HIVEP3: variants seen among roughly 807,000 people sequenced by gnomAD.
HIVEP3 encodes HIVEP zinc finger 3.
HIVEP3 carries 49 observed loss-of-function variants against 152.8 expected under a neutral mutation model. That is an observed-to-expected ratio of 0.32 (90% CI 0.26 to 0.41). The LOEUF is 0.41. Ranked by LOEUF, HIVEP3 falls within the 10% of genes least tolerant of loss-of-function variation. The pLI, the probability that HIVEP3 is intolerant of heterozygous loss-of-function variation, is 1.00. For missense variants in HIVEP3, 2,790 were observed against 3,103.3 expected (o/e 0.90, Z 2.40); for synonymous variants, 1,269 against 1,289.0 (o/e 0.98, Z 0.33).
chr1:41,762,158 C>A (rs1392932390), intron 1 of HIVEP3, among the ~76,000 whole-genome samples: 4 of 152,170 alleles, frequency 2.6e-5, no homozygotes, highest in Non-Finnish European at 5.9e-5. Context: ...CCCATAAAAG[C>A]CCCGGACCCA....
rs150455340 is a variant in HIVEP3, at chr1:41,856,034, T to C, written c.-801+62379A>G. On this transcript the variant is annotated intron_variant, in intron 1 of 8. Transcript: ENST00000372583. Reference sequence around the variant, plus strand: ...CCAAGTAGCTGGGACTACAGGTGCATGCCACCAAAGGGGCCTGCTGCCCCT... The same window carrying C: ...CCAAGTAGCTGGGACTACAGGTGCACGCCACCAAAGGGGCCTGCTGCCCCT... 2.4e-3 allele frequency among the ~76,000 whole-genome samples: 360 copies of C among 152,334 alleles called. 1 individual carries two copies. Among genetic ancestry groups the C allele is most frequent in the African/African-American group, 8.4e-3 (348 of 41,582 alleles).
intron 2 of HIVEP3, among the ~76,000 whole-genome samples, chr1:41,684,038 T>TA (rs1646079442): frequency 6.6e-6 from 1 of 152,196 alleles, no homozygotes; most frequent in South Asian, 2.1e-4. Flanking sequence ...GCACTGCCTT[T>TA]AAAAAAGACC....
intron 1 of HIVEP3, among the ~76,000 whole-genome samples, chr1:41,832,689 T>C (rs533171204): frequency 3.0e-4 from 45 of 152,368 alleles, no homozygotes; most frequent in African/African-American, 1.1e-3. Context: ...ATAGTAGATA[T>C]TTAGTAAGTG....
intron 5 of HIVEP3, among the ~76,000 whole-genome samples, chr1:41,565,961 A>AT (rs371749213): frequency 1.5e-4 from 23 of 150,932 alleles, no homozygotes; most frequent in African/African-American, 3.4e-4. Flanking sequence ...CGCTTTTCAC[A>AT]TTTTTTTTTA....
intron 2 of HIVEP3, among the ~76,000 whole-genome samples, chr1:41,690,634 C>T (rs1390517792): frequency 1.3e-5 from 2 of 152,188 alleles, no homozygotes; most frequent in African/African-American, 4.8e-5. Context: ...AGCATGGATT[C>T]TGGCCCGGCA....
intron 3 of HIVEP3, among the ~76,000 whole-genome samples, chr1:41,601,206 G>C (rs1414284581): frequency 3.3e-5 from 5 of 152,068 alleles, no homozygotes; most frequent in Non-Finnish European, 5.9e-5. Context: ...CTTTGTTCTT[G>C]TGTCAGAGGA....
At chr1:41,558,782 T>G (rs1275055608) in intron 5 of HIVEP3, among the ~76,000 whole-genome samples, 1 of 152,218 alleles carries the variant, frequency 6.6e-6, no homozygotes, top group Non-Finnish European at 1.5e-5. Context: ...GCCCCCTGGC[T>G]GGCCACATTT....
At chr1:41,573,386 C>T (rs901405461) in intron 5 of HIVEP3, among the ~76,000 whole-genome samples, 9 of 152,122 alleles carry the variant, frequency 5.9e-5, no homozygotes, top group African/African-American at 2.2e-4. Flanking sequence ...GTGATGCCAG[C>T]CCCAAGAGAA....
chr1:41,723,936 T>C (rs1204036380), intron 1 of HIVEP3, among the ~76,000 whole-genome samples: 1 of 152,216 alleles, frequency 6.6e-6, no homozygotes, highest in East Asian at 1.9e-4. Context: ...TAATCCTGCC[T>C]GGAGGTACTA....
intron 1 of HIVEP3, among the ~76,000 whole-genome samples, chr1:41,936,345 T>A (rs1300986725): frequency 6.6e-6 from 1 of 152,136 alleles, no homozygotes; most frequent in Non-Finnish European, 1.5e-5. Context: ...TCCAGGGGCT[T>A]CTGTCACCCC....
chr1:41,801,012 A>G (rs1650270109), intron 1 of HIVEP3, among the ~76,000 whole-genome samples: 1 of 152,174 alleles, frequency 6.6e-6, no homozygotes, highest in African/African-American at 2.4e-5. Flanking sequence ...TCTTTTACCC[A>G]CAAGGAGCTA....
In HIVEP3 at chr1:41,664,677, G is replaced by A. The variant is rs1224279426; in HGVS notation, c.-720-35730C>T. On this transcript the variant is annotated intron_variant, in intron 2 of 8. Coordinates refer to ENST00000372583, the MANE Select transcript of HIVEP3 (RefSeq NM_024503.5). This position sits in a 1 kb window ranked among gnomAD's most constrained non-coding sequence, Gnocchi z 4.4. ...AAGACAAACTAACCAGAGGACGGGG[G>A]AGAATTTACCCAACCCAGAACAGTG... Among the ~76,000 whole-genome samples, 1 of 152,216 alleles carries A rather than the reference G, an allele frequency of 6.6e-6. No individual in the cohort carries two copies. The highest frequency in any genetic ancestry group is 1.9e-4 in the East Asian group (1 of 5,188).
At chr1:41,611,078 G>A (rs1002513906) in intron 3 of HIVEP3, among the ~76,000 whole-genome samples, 3 of 152,212 alleles carry the variant, frequency 2.0e-5, no homozygotes, top group Non-Finnish European at 4.4e-5. Context: ...AGGGTGTGGG[G>A]GCAGAAGGGT....
intron 1 of HIVEP3, among the ~76,000 whole-genome samples, chr1:41,734,595 G>A (rs961009918): frequency 5.3e-5 from 8 of 152,308 alleles, no homozygotes; most frequent in South Asian, 2.1e-4. Context: ...CTGCCATGGC[G>A]GAGGGCAGTC....
intron 2 of HIVEP3, among the ~76,000 whole-genome samples, chr1:41,635,120 G>A (rs1174853491): frequency 6.6e-6 from 1 of 152,062 alleles, no homozygotes; most frequent in Non-Finnish European, 1.5e-5. Context: ...AATAAAATTA[G>A]ACATTAACAA....
At chr1:41,936,522 TAAG>T (rs1645021210) in intron 1 of HIVEP3, among the ~76,000 whole-genome samples, 1 of 152,164 alleles carries the variant, frequency 6.6e-6, no homozygotes, top group African/African-American at 2.4e-5. Context: ...CTACTCCACT[TAAG>T]AAGGTGGGAA....
intron 2 of HIVEP3, among the ~76,000 whole-genome samples, chr1:41,639,080 C>T (rs758967368): frequency 4.6e-5 from 7 of 152,164 alleles, no homozygotes; most frequent in Non-Finnish European, 8.8e-5. Flanking sequence ...CAGAAGGGGC[C>T]GGCACATGGA....
rs758092301 is a variant in HIVEP3, at chr1:41,873,309, G to C, written c.-801+45104C>G. Among the ~76,000 whole-genome samples the C allele has an allele frequency of 2.6e-5, 4 of 152,216 alleles. No individual in the cohort carries two copies. The highest frequency in any genetic ancestry group is 4.4e-5 in the Non-Finnish European group (3 of 68,040). On this transcript the variant is annotated intron_variant, in intron 1 of 8. Coordinates refer to ENST00000372583, the MANE Select transcript of HIVEP3 (RefSeq NM_024503.5). The surrounding 1 kb of genome is among the most constrained non-coding windows in gnomAD (Gnocchi z 4.2). ...CCAGCAGAATTTTCTAGGAGAGACA[G>C]GACTTGGGGGTACCACTAGGCCCCG...
At chr1:41,899,279 CTT>C (rs1156319044) in intron 1 of HIVEP3, among the ~76,000 whole-genome samples, 1 of 152,152 alleles carries the variant, frequency 6.6e-6, no homozygotes. Context: ...TTCAGTGTCT[CTT>C]GTCTATTTAA....
Sources: allele counts gnomAD v4.1 joint callset (sites outside exome capture counted in the v4.1 genomes callset), GRCh38; gene constraint gnomAD v4.1.1; non-coding constraint Gnocchi (gnomAD v3.1); transcripts MANE v1.5; gene names NCBI Gene and HGNC (gene_info 2026-07-23, HGNC 2026-07-21).